The following PANX1 variants were observed in gnomAD, a reference collection of about 807,000 sequenced individuals.
The protein encoded by PANX1 is pannexin 1.
Under a neutral mutation model 38.7 loss-of-function variants are expected in PANX1, and 30 were observed. The observed-to-expected ratio is 0.78, with a 90% confidence interval of 0.58 to 1.05. PANX1 has a LOEUF of 1.05. Among genes scored for constraint, PANX1 ranks in the 50% least tolerant of loss-of-function variants. The pLI is 0.00. For synonymous variants in PANX1, 230 were observed against 212.2 expected, an observed-to-expected ratio of 1.08 and a Z score of -0.73; for missense variants, 551 against 517.2, an observed-to-expected ratio of 1.07 and a Z score of -0.63.
intron 1 of PANX1, among the ~76,000 whole-genome samples, chr11:94,137,238 A>C (rs1174217816): frequency 2.0e-5 from 3 of 152,132 alleles, no homozygotes; most frequent in African/African-American, 7.2e-5. Flanking sequence ...CGGGAGGCAG[A>C]GGTTGCAGTG....
intron 2 of PANX1, 88 bp downstream of exon 2, chr11:94,153,718 A>G (rs1284289543): frequency 5.7e-6 from 7 of 1,237,022 alleles, no homozygotes; most frequent in East Asian, 2.5e-5. Flanking sequence ...GACCACACAG[A>G]TATTGTAGCC....
At chr11:94,158,976 C>G (rs1299895016) in intron 2 of PANX1, among the ~76,000 whole-genome samples, 1 of 152,162 alleles carries the variant, frequency 6.6e-6, no homozygotes. Context: ...TGAATTTTGT[C>G]AAAGGCCTTT....
chr11:94,178,478 AAG>A lies in PANX1; in HGVS notation c.433_434del (p.Glu145ThrfsTer2). 1 of 1,614,076 alleles carries A rather than the reference AAG, an allele frequency of 6.2e-7. No individual in the cohort carries two copies. Among genetic ancestry groups the A allele is most frequent in the Non-Finnish European group, 8.5e-7 (1 of 1,179,986 alleles). ...TGCTCAGACTTGAAGTTTATCATGGAAGAACTTGACAAAGTTTACAACCGTGC... is the reference window on the plus strand; with the variant it reads ...TGCTCAGACTTGAAGTTTATCATGGAAACTTGACAAAGTTTACAACCGTGC... On this transcript the variant is annotated frameshift_variant, in exon 3 of 5. Coordinates refer to ENST00000227638, the MANE Select transcript of PANX1 (RefSeq NM_015368.4). LOFTEE classifies it high-confidence loss of function.
intron 1 of PANX1, among the ~76,000 whole-genome samples, chr11:94,140,081 A>T (rs1380648559): frequency 6.6e-6 from 1 of 152,228 alleles, no homozygotes; most frequent in Non-Finnish European, 1.5e-5. Flanking sequence ...TGCTTTGAAA[A>T]AGATTACAAC....
intron 2 of PANX1, among the ~76,000 whole-genome samples, chr11:94,160,250 A>G (rs1179364877): frequency 7.9e-5 from 12 of 152,110 alleles, no homozygotes; most frequent in African/African-American, 2.9e-4. Flanking sequence ...AGTCTGCTTG[A>G]TGCAGAGCTG....
In PANX1 at chr11:94,179,845, T is replaced by G; in HGVS notation, c.789T>G (p.Phe263Leu). Residue 263 changes from phenylalanine (F) to leucine (L), a missense_variant, in exon 4 of 5, where the codon TTT (phenylalanine) becomes TTG (leucine). Physicochemically the swap from Phe to Leu is conservative, Grantham distance 22 (BLOSUM62 0). Coordinates refer to ENST00000227638, the MANE Select transcript of PANX1 (RefSeq NM_015368.4). ...ACGACAGCACCGTGCCCGATCAGTT[T>G]CAGTGCAAACTCATTGCCGTGGGCA... Reference protein sequence around the residue: ...LRNDSTVPDQFQCKLIAVGIF... With the variant: ...LRNDSTVPDQLQCKLIAVGIF... The G allele has an allele frequency of 6.2e-7, 1 of 1,614,144 alleles. No individual in the cohort carries two copies. The highest frequency in any genetic ancestry group is 8.5e-7 in the Non-Finnish European group (1 of 1,180,022).
chr11:94,129,085 G>C lies in PANX1; in HGVS notation c.-228G>C. On this transcript the variant is annotated 5_prime_UTR_variant, in exon 1 of 5. Transcript: ENST00000227638. Reference sequence around the variant, plus strand: ...GGAACCGCAGGAAGCGGAGCTCTCGGGTTCCCGCCCCGCCCCGCCCCGCCG... The same window carrying C: ...GGAACCGCAGGAAGCGGAGCTCTCGCGTTCCCGCCCCGCCCCGCCCCGCCG... 2.6e-6 allele frequency: 1 copy of C among 381,816 alleles called. No individual in the cohort carries two copies. The highest frequency in any genetic ancestry group is 4.4e-6 in the Non-Finnish European group (1 of 225,248). The allele number at this position is 381,816 out of a possible 1,614,324, so 23.7% of individuals were successfully genotyped here. A position where few individuals can be genotyped will look rare whatever the true frequency, so the allele number is the denominator to read the frequency against.
intron 2 of PANX1, among the ~76,000 whole-genome samples, chr11:94,167,352 G>T (rs956176536): frequency 8.5e-5 from 13 of 152,124 alleles, no homozygotes; most frequent in Non-Finnish European, 2.9e-5. Context: ...TCTTAGGAGG[G>T]TGCTTTCTTG....
chr11:94,166,824 G>A (rs1947106438), intron 2 of PANX1, among the ~76,000 whole-genome samples: 1 of 152,136 alleles, frequency 6.6e-6, no homozygotes, highest in South Asian at 2.1e-4. Context: ...GCACTGCTTG[G>A]AGTTGGGAGA....
rs531133690 is a variant in PANX1 at position 94,137,819 on chromosome 11, G to T, written c.181+8326G>T. On this transcript the variant is annotated intron_variant, in intron 1 of 4. Transcript: ENST00000227638. ...TGTAGAAAATATGGAAAATACAGAA[G>T]AGAAAATAGCAGTACATCTATAATA... Among the ~76,000 whole-genome samples the T allele has an allele frequency of 1.4e-3, 112 of 77,260 alleles. 2 individuals are homozygous for T. Among genetic ancestry groups the T allele is most frequent in the South Asian group, 2.5e-3 (7 of 2,766 alleles). 50.7% of individuals were successfully genotyped at this position (77,260 alleles called of 152,430 possible).
intron 1 of PANX1, 67 bp from the exon 2 acceptor site, chr11:94,153,424 T>C (rs1946908626): frequency 6.4e-7 from 1 of 1,554,844 alleles, no homozygotes; most frequent in South Asian, 1.2e-5. Flanking sequence ...ACTAAAAACA[T>C]GTGAGATGGG....
chr11:94,143,961 C>G (rs1946795713), intron 1 of PANX1, among the ~76,000 whole-genome samples: 1 of 152,138 alleles, frequency 6.6e-6, no homozygotes, highest in Non-Finnish European at 1.5e-5. Flanking sequence ...ATTGCCCAGA[C>G]TGTTCTCAAA....
intron 1 of PANX1, among the ~76,000 whole-genome samples, chr11:94,143,712 T>G (rs1591508647): frequency 6.6e-6 from 1 of 151,986 alleles, no homozygotes; most frequent in African/African-American, 2.4e-5. Context: ...CTTACCTAAC[T>G]TTTCCCCTTT....
chr11:94,169,521 T>A (rs1421803701), intron 2 of PANX1, among the ~76,000 whole-genome samples: 1 of 151,688 alleles, frequency 6.6e-6, no homozygotes, highest in Non-Finnish European at 1.5e-5. Context: ...TTTGGAAATA[T>A]AATTATAGCA....
intron 2 of PANX1, among the ~76,000 whole-genome samples, chr11:94,169,596 A>G (rs1407720356): frequency 2.6e-5 from 4 of 151,688 alleles, no homozygotes; most frequent in African/African-American, 7.3e-5. Flanking sequence ...TATGACTGCT[A>G]TCCTCATAAG....
intron 1 of PANX1, among the ~76,000 whole-genome samples, chr11:94,149,371 G>T (rs1236541218): frequency 6.6e-6 from 1 of 152,194 alleles, no homozygotes; most frequent in Non-Finnish European, 1.5e-5. Context: ...CAGGCAGAAG[G>T]TGTGACCAGC....
intron 1 of PANX1, among the ~76,000 whole-genome samples, chr11:94,144,661 G>C (rs376056715): frequency 1.3e-5 from 2 of 152,064 alleles, no homozygotes; most frequent in African/African-American, 2.4e-5. Context: ...CTTGTGTTAC[G>C]GGCTGGCCTG....
rs865848273 is a variant in PANX1, at chr11:94,179,625, A to G, written c.569A>G (p.His190Arg). 2 of 1,613,450 alleles carry G rather than the reference A, an allele frequency of 1.2e-6. No individual in the cohort carries two copies. Among genetic ancestry groups the G allele is most frequent in the African/African-American group, 2.7e-5 (2 of 74,906 alleles). Residue 190 changes from histidine to arginine, a missense_variant, in exon 4 of 5, where the codon CAC (histidine) becomes CGC (arginine). Physicochemically the swap from His to Arg is conservative, Grantham distance 29 (BLOSUM62 0). Transcript: ENST00000227638. ...AGTTTGTGGGAGGTATCTGAAAGCC[A>G]CTTCAAGTACCCAATTGTGGAGCAG... is the stretch of plus-strand genomic sequence containing the variant. The part of the protein sequence containing the change: ...GQSLWEVSES[H>R]FKYPIVEQYL...
intron 2 of PANX1, among the ~76,000 whole-genome samples, chr11:94,155,438 C>T (rs1946938995): frequency 1.3e-5 from 2 of 151,276 alleles, no homozygotes; most frequent in Admixed American, 6.6e-5. Flanking sequence ...CACTTGAATG[C>T]GGGAGGTAGA....
Sources: allele counts gnomAD v4.1 joint callset (sites outside exome capture counted in the v4.1 genomes callset), GRCh38; gene constraint gnomAD v4.1.1; transcripts MANE v1.5; gene names NCBI Gene and HGNC (gene_info 2026-07-23, HGNC 2026-07-21).